The following PIK3C2A variants were observed in gnomAD, a reference collection of about 807,000 sequenced individuals.
PIK3C2A encodes the protein phosphatidylinositol-4-phosphate 3-kinase catalytic subunit type 2 alpha.
Under a neutral mutation model 204.5 loss-of-function variants are expected in PIK3C2A, and 97 were observed. The observed-to-expected ratio is 0.47, with a 90% confidence interval of 0.40 to 0.56. The LOEUF (loss-of-function observed/expected upper bound fraction) is 0.56, where lower values mean the gene tolerates loss of function less well. PIK3C2A is among the 20% of genes least tolerant of loss of function. The pLI, the probability that PIK3C2A is intolerant of heterozygous loss-of-function variation, is 0.00. For missense variants in PIK3C2A, 1,735 were observed against 1,969.2 expected (o/e 0.88, Z 2.25); for synonymous variants, 653 against 664.4 (o/e 0.98, Z 0.26).
chr11:17,094,633 CAAATCA>C (rs2137267482), intron 27 of PIK3C2A, among the ~76,000 whole-genome samples: 1 of 151,876 alleles, frequency 6.6e-6, no homozygotes, highest in South Asian at 2.1e-4. Flanking sequence ...CTGAGGCAGG[CAAATCA>C]CTTGAACCTG....
chr11:17,202,522 T>C (rs1326759880), intron 1 of PIK3C2A, among the ~76,000 whole-genome samples: 1 of 151,584 alleles, frequency 6.6e-6, no homozygotes, highest in Non-Finnish European at 1.5e-5. Context: ...TGCAGTAGGC[T>C]GAGATGGAGC....
At chr11:17,120,677 A>G (rs1849341028) in intron 15 of PIK3C2A, among the ~76,000 whole-genome samples, 1 of 152,162 alleles carries the variant, frequency 6.6e-6, no homozygotes, top group African/African-American at 2.4e-5. Context: ...ACAGAGGCAC[A>G]CACACGGATA....
intron 12 of PIK3C2A, among the ~76,000 whole-genome samples, chr11:17,130,837 C>T (rs1221153461): frequency 6.7e-6 from 1 of 148,738 alleles, no homozygotes; most frequent in Admixed American, 6.7e-5. Flanking sequence ...AAAGAAAAAA[C>T]ACTATTTAAA....
chr11:17,090,615 T>C (rs921640217), intron 32 of PIK3C2A, among the ~76,000 whole-genome samples: 1 of 152,160 alleles, frequency 6.6e-6, no homozygotes, highest in Admixed American at 6.5e-5. Flanking sequence ...ACTGGAAACG[T>C]AGTTGAATTA....
intron 18 of PIK3C2A, 45 bp from the exon 19 acceptor site, chr11:17,117,716 T>TC: frequency 8.5e-7 from 1 of 1,174,510 alleles, no homozygotes; most frequent in Non-Finnish European, 1.2e-6. Flanking sequence ...TGGTTTTTTT[T>TC]TTTTTTTTTT....
intron 1 of PIK3C2A, among the ~76,000 whole-genome samples, chr11:17,191,458 G>T (rs1341101549): frequency 6.6e-6 from 1 of 152,170 alleles, no homozygotes; most frequent in Non-Finnish European, 1.5e-5. Context: ...TCCCCGGATG[G>T]CAACAGTCCA....
In PIK3C2A at chr11:17,099,885, C is replaced by T. The variant is rs191488721; in HGVS notation, c.4093G>A (p.Ala1365Thr). Residue 1365 changes from alanine (A) to threonine (T), a missense_variant, in exon 26 of 33, where the codon GCA becomes ACA. Physicochemically the swap from Ala to Thr is moderately conservative, Grantham distance 58. Around this residue, in one of 6 missense-constraint regions of PIK3C2A, gnomAD observed 503 missense variants for 669.0 expected, o/e 0.75. Transcript: ENST00000691414. Reference protein sequence around the residue: ...RDALQPQTTDAEATIFFTRLI... With the variant: ...RDALQPQTTDTEATIFFTRLI... ...CTAGTAAAGAAAATTGTAGCTTCTG[C>T]GTCTGTAGTTTGGGGTTGAAGTGCA... 2.7e-5 allele frequency: 42 copies of T among 1,546,632 alleles called. No individual in the cohort carries two copies. The highest frequency in any genetic ancestry group is 1.7e-4 in the Middle Eastern group (1 of 5,904).
chr11:17,100,996 C>T lies in PIK3C2A; in HGVS notation c.4008+282G>A, dbSNP rs544186290. Among the ~76,000 whole-genome samples the T allele has an allele frequency of 9.2e-5, 14 of 152,320 alleles. No individual in the cohort carries two copies. The South Asian group carries it at 2.7e-3, about 29-fold the overall frequency. Reference sequence around the variant, plus strand: ...ATACACAAAACATTCATTAGCATATCAGATGCCTGCCTTGGGGTCCAGCTA... The same window carrying T: ...ATACACAAAACATTCATTAGCATATTAGATGCCTGCCTTGGGGTCCAGCTA... On this transcript the variant is annotated intron_variant, in intron 25 of 32. Transcript: ENST00000691414.
intron 1 of PIK3C2A, among the ~76,000 whole-genome samples, chr11:17,192,327 A>G (rs984778882): frequency 6.6e-6 from 1 of 152,208 alleles, no homozygotes; most frequent in African/African-American, 2.4e-5. Context: ...TTAATTTAAC[A>G]AGCTGAATAA....
Position 17,092,365 on chromosome 11 carries a change from G to A in PIK3C2A, c.4452-89C>T. The A allele has an allele frequency of 6.8e-6, 5 of 729,940 alleles. No individual in the cohort carries two copies. The South Asian group carries it at 8.1e-5, about 12-fold the overall frequency. The allele number at this position is 729,940 out of a possible 1,614,324, so 45.2% of individuals were successfully genotyped here. On this transcript the variant is annotated intron_variant, in intron 28 of 32. Coordinates refer to ENST00000691414, the MANE Select transcript of PIK3C2A (RefSeq NM_002645.4). ...TTTTTCATATATACTTAAAGACAAA[G>A]TAGTCTTAATCCATTATAAAGTAAT...
chr11:17,131,221 T>A (rs1479500339), intron 12 of PIK3C2A, among the ~76,000 whole-genome samples: 1 of 152,024 alleles, frequency 6.6e-6, no homozygotes, highest in African/African-American at 2.4e-5. Flanking sequence ...TTTCGTTAAG[T>A]GTTGATTAAT....
intron 12 of PIK3C2A, among the ~76,000 whole-genome samples, chr11:17,129,805 T>C (rs2137373684): frequency 1.3e-5 from 2 of 152,300 alleles, no homozygotes; most frequent in Admixed American, 1.3e-4. Context: ...TTGGCCAGGC[T>C]GGTCTCAAAC....
At chr11:17,114,559 C>T in intron 19 of PIK3C2A, 94 bp from the exon 20 acceptor site, 1 of 630,212 alleles carries the variant, frequency 1.6e-6, no homozygotes, top group Non-Finnish European at 2.9e-6. Flanking sequence ...ATAAAATGCC[C>T]AGTTGTCAAA....
intron 1 of PIK3C2A, among the ~76,000 whole-genome samples, chr11:17,175,065 G>C (rs1851295617): frequency 6.6e-6 from 1 of 152,090 alleles, no homozygotes; most frequent in Non-Finnish European, 1.5e-5. Flanking sequence ...TCTGAAAGAA[G>C]GATCTAGATT....
At chr11:17,184,339 G>A (rs573206766) in intron 1 of PIK3C2A, among the ~76,000 whole-genome samples, 16 of 152,108 alleles carry the variant, frequency 1.1e-4, no homozygotes, top group Non-Finnish European at 1.6e-4. Flanking sequence ...TGGCCCCTGA[G>A]GACTTCCAGT....
intron 1 of PIK3C2A, among the ~76,000 whole-genome samples, chr11:17,190,615 T>C (rs542784435): frequency 1.3e-5 from 2 of 151,484 alleles, no homozygotes; most frequent in South Asian, 2.1e-4. Flanking sequence ...TTAAATGATC[T>C]AGTAGAAAAG....
rs201054281 is a variant in PIK3C2A at position 17,196,578 on chromosome 11, A to AT, written c.-66+11269dup. On this transcript the variant is annotated intron_variant, in intron 1 of 32. Transcript: ENST00000691414. ...AGTTGGGGAGGATACTATTATTATTATTTTTTTTTGAGACGGAGTCTTGCT... is the reference window on the plus strand; with the variant it reads ...AGTTGGGGAGGATACTATTATTATTATTTTTTTTTTGAGACGGAGTCTTGCT... Among the ~76,000 whole-genome samples the AT allele has an allele frequency of 5.8e-3, 873 of 150,900 alleles. 26 individuals are homozygous for AT. The highest frequency in any genetic ancestry group is 0.038 in the Admixed American group (575 of 15,122).
chr11:17,166,814 AC>A (rs1486675404), intron 2 of PIK3C2A, among the ~76,000 whole-genome samples: 1 of 152,200 alleles, frequency 6.6e-6, no homozygotes, highest in Non-Finnish European at 1.5e-5. Context: ...GACTCCAGGC[AC>A]TAAACACAGA....
intron 1 of PIK3C2A, among the ~76,000 whole-genome samples, chr11:17,192,067 C>CCA (rs1851965606): frequency 6.6e-6 from 1 of 151,966 alleles, no homozygotes; most frequent in Non-Finnish European, 1.5e-5. Flanking sequence ...AAAGCTTGAG[C>CCA]CCAGGAAGCA....
Sources: allele counts gnomAD v4.1 joint callset (sites outside exome capture counted in the v4.1 genomes callset), GRCh38; gene constraint gnomAD v4.1.1; regional missense constraint gnomAD v4.1.1; transcripts MANE v1.5; gene names NCBI Gene and HGNC (gene_info 2026-07-23, HGNC 2026-07-21).